The following NOL4 variants were observed in gnomAD, a reference collection of about 807,000 sequenced individuals.
NOL4 encodes cancer/testis antigen 125.
NOL4 carries 17 observed loss-of-function variants against 75.9 expected under a neutral mutation model. The ratio of observed to expected loss-of-function variants is 0.22; its 90% CI spans 0.15 to 0.34. The LOEUF is 0.34. NOL4 is among the 10% of genes least tolerant of loss of function. NOL4 has a pLI of 1.00. For missense variants in NOL4, 614 were observed against 793.5 expected, an observed-to-expected ratio of 0.77 and a Z score of 2.72; for synonymous variants, 292 against 289.9, an observed-to-expected ratio of 1.01 and a Z score of -0.07.
chr18:34,187,065 A>G (rs1045124971), intron 1 of NOL4, among the ~76,000 whole-genome samples: 71 of 152,156 alleles, frequency 4.7e-4, no homozygotes, highest in Non-Finnish European at 6.0e-4. Flanking sequence ...TATAGTTTAC[A>G]TTAGGGTTTA....
intron 1 of NOL4, among the ~76,000 whole-genome samples, chr18:34,159,231 G>A (rs931127583): frequency 2.0e-4 from 31 of 152,186 alleles, no homozygotes; most frequent in African/African-American, 6.5e-4. Context: ...AAGCGCTCCG[G>A]GCGCCGCGCT....
chr18:34,215,595 G>C (rs1016954693), intron 1 of NOL4, among the ~76,000 whole-genome samples: 2 of 152,110 alleles, frequency 1.3e-5, no homozygotes, highest in Non-Finnish European at 2.9e-5. Flanking sequence ...CATGGAGAGA[G>C]GGAATAAGAA....
chr18:34,116,193 C>T (rs1005616713), intron 2 of NOL4, among the ~76,000 whole-genome samples: 5 of 152,068 alleles, frequency 3.3e-5, no homozygotes, highest in African/African-American at 1.2e-4. Context: ...GCAATAACAG[C>T]ACAACATTAG....
chr18:34,163,595 A>G (rs1341009622), intron 1 of NOL4, among the ~76,000 whole-genome samples: 1 of 152,216 alleles, frequency 6.6e-6, no homozygotes. Context: ...AAAAGAGGAT[A>G]CAAACAAATG....
At position 34,049,087 on chromosome 18, in the gene NOL4, C is replaced by CACAA. The variant is rs1178766093; in HGVS notation, c.773-29487_773-29486insTTGT. 2.2e-5 allele frequency among the ~76,000 whole-genome samples: 3 copies of CACAA among 135,270 alleles called. No homozygotes were observed. In the South Asian group the frequency reaches 6.9e-4, roughly 31 times the overall value. The allele number at this position is 135,270 out of a possible 152,430, so 88.7% of individuals were successfully genotyped here. A position where few individuals can be genotyped will look rare whatever the true frequency, so the allele number is the denominator to read the frequency against. ...ATACAGGCGCGCGCACACACACACA[C>CACAA]ACACACACACACACACACACACACA... On this transcript the variant is annotated intron_variant, in intron 5 of 10. Coordinates refer to ENST00000261592, the MANE Select transcript of NOL4 (RefSeq NM_003787.5).
chr18:34,168,566 T>G (rs1360135678), intron 1 of NOL4, among the ~76,000 whole-genome samples: 1 of 151,086 alleles, frequency 6.6e-6, no homozygotes, highest in African/African-American at 2.4e-5. Flanking sequence ...GTAAGGATAA[T>G]TGATATTTAT....
chr18:34,136,599 A>T (rs2080903195), intron 1 of NOL4, among the ~76,000 whole-genome samples: 1 of 152,158 alleles, frequency 6.6e-6, no homozygotes, highest in African/African-American at 2.4e-5. Flanking sequence ...AAAACACTAA[A>T]ATACTTAGGA....
At chr18:34,019,695 G>A in intron 5 of NOL4, 94 bp from the exon 6 acceptor site, 3 of 1,052,542 alleles carry the variant, frequency 2.9e-6, no homozygotes, top group Admixed American at 2.5e-5. Flanking sequence ...TTATATGAAT[G>A]GCATTTTACA....
intron 5 of NOL4, among the ~76,000 whole-genome samples, chr18:34,020,099 A>G (rs1252247860): frequency 1.3e-5 from 2 of 152,082 alleles, no homozygotes; most frequent in Non-Finnish European, 2.9e-5. Flanking sequence ...ACTATGCTTC[A>G]TGTACAGTCT....
chr18:33,878,632 A>G (rs2064073592), intron 10 of NOL4, among the ~76,000 whole-genome samples: 1 of 152,096 alleles, frequency 6.6e-6, no homozygotes. Flanking sequence ...AACTCAGACT[A>G]ATAATGTAAT....
chr18:33,944,417 G>A (rs2068703122), intron 8 of NOL4, among the ~76,000 whole-genome samples: 1 of 151,836 alleles, frequency 6.6e-6, no homozygotes, highest in Non-Finnish European at 1.5e-5. Flanking sequence ...AGTTAAATTT[G>A]TACAGTGTAG....
intron 6 of NOL4, among the ~76,000 whole-genome samples, chr18:33,978,532 T>C (rs1340961292): frequency 2.6e-5 from 4 of 152,154 alleles, no homozygotes; most frequent in Non-Finnish European, 5.9e-5. Context: ...TGAGGAATTA[T>C]AACTGCATGA....
intron 2 of NOL4, among the ~76,000 whole-genome samples, chr18:34,124,511 T>A (rs2080293674): frequency 6.6e-6 from 1 of 152,072 alleles, no homozygotes; most frequent in South Asian, 2.1e-4. Context: ...TTCTGTGGAG[T>A]TTGCTGAGAC....
intron 10 of NOL4, among the ~76,000 whole-genome samples, chr18:33,857,301 C>A (rs1179195236): frequency 6.6e-6 from 1 of 151,966 alleles, no homozygotes; most frequent in Non-Finnish European, 1.5e-5. Flanking sequence ...CCACGCAAAT[C>A]TGCTTGGGAA....
chr18:33,939,909 C>A (rs1326144601), intron 9 of NOL4, among the ~76,000 whole-genome samples: 1 of 151,846 alleles, frequency 6.6e-6, no homozygotes, highest in Non-Finnish European at 1.5e-5. Flanking sequence ...ACAGACACTT[C>A]TCAGAAGAAG....
intron 1 of NOL4, among the ~76,000 whole-genome samples, chr18:34,134,484 AC>A (rs1215773810): frequency 5.3e-5 from 5 of 93,618 alleles, no homozygotes; most frequent in African/African-American, 1.8e-4. Context: ...ACACACACAC[AC>A]ACACACACAC....
At chr18:34,077,616 AAAACCTACC>A (rs2077808806) in intron 5 of NOL4, among the ~76,000 whole-genome samples, 1 of 152,148 alleles carries the variant, frequency 6.6e-6, no homozygotes, top group South Asian at 2.1e-4. Context: ...AAAACAAACT[AAAACCTACC>A]AAAGATCCTA....
chr18:33,986,301 C>G (rs2072448053), intron 6 of NOL4, among the ~76,000 whole-genome samples: 1 of 152,032 alleles, frequency 6.6e-6, no homozygotes, highest in Non-Finnish European at 1.5e-5. Flanking sequence ...TTTTACAACT[C>G]AGAGGAACTG....
At chr18:34,181,917 A>C (rs2034071132) in intron 1 of NOL4, among the ~76,000 whole-genome samples, 2 of 151,596 alleles carry the variant, frequency 1.3e-5, no homozygotes, top group African/African-American at 4.8e-5. Flanking sequence ...AAATGTTAGC[A>C]TGTTAGGATG....
Sources: gnomAD v4.1 joint callset for allele counts (sites outside exome capture counted in the v4.1 genomes callset) on GRCh38, gnomAD v4.1.1 for gene constraint, MANE v1.5 for transcripts, NCBI Gene and HGNC (gene_info 2026-07-23, HGNC 2026-07-21) for gene names.